The following SPRYD7 variants were observed in gnomAD, a reference collection of about 807,000 sequenced individuals.
SPRYD7 encodes SPRY domain containing 7, also known as SPRY domain-containing protein 7.
Under a neutral mutation model 23.8 loss-of-function variants are expected in SPRYD7, and 14 were observed. The observed-to-expected ratio is 0.59, with a 90% CI of 0.39 to 0.92. The LOEUF (loss-of-function observed/expected upper bound fraction) is 0.92, where lower values mean the gene tolerates loss of function less well. Ranked by LOEUF, SPRYD7 falls within the 40% of genes least tolerant of loss-of-function variation. SPRYD7 has a pLI of 0.00. For missense variants in SPRYD7, 194 were observed against 241.7 expected, an observed-to-expected ratio of 0.80 and a Z score of 1.31; for synonymous variants, 75 against 84.9, an observed-to-expected ratio of 0.88 and a Z score of 0.64.
intron 3 of SPRYD7, among the ~76,000 whole-genome samples, chr13:49,923,524 G>A (rs768523195): frequency 1.1e-4 from 16 of 152,282 alleles, no homozygotes; most frequent in East Asian, 3.9e-4. Context: ...GATTACAGGC[G>A]TTGGCCACCG....
intron 3 of SPRYD7, among the ~76,000 whole-genome samples, chr13:49,926,942 A>G (rs1440745979): frequency 6.6e-6 from 1 of 152,218 alleles, no homozygotes. Context: ...AAAGACAGAA[A>G]GAAATCTTTG....
intron 2 of SPRYD7, 24 bp from the exon 3 acceptor site, chr13:49,928,109 C>A (rs1381652010): frequency 6.2e-7 from 1 of 1,600,788 alleles, no homozygotes; most frequent in East Asian, 2.2e-5. Context: ...AGTTTAAATG[C>A]CCTCAAAATC....
chr13:49,916,710 A>G (rs888164271), intron 4 of SPRYD7, among the ~76,000 whole-genome samples: 1 of 152,230 alleles, frequency 6.6e-6, no homozygotes, highest in Admixed American at 6.5e-5. Flanking sequence ...TGAGGGATGC[A>G]TGCCCAAAGA....
intron 3 of SPRYD7, among the ~76,000 whole-genome samples, chr13:49,924,990 A>T (rs867588010): frequency 0.025 from 3,278 of 131,556 alleles, 119 homozygotes; most frequent in African/African-American, 0.085. Context: ...AAAAAAAAAT[A>T]AATAAATAAT....
intron 3 of SPRYD7, among the ~76,000 whole-genome samples, chr13:49,923,488 C>T (rs2138223659): frequency 6.6e-6 from 1 of 152,308 alleles, no homozygotes; most frequent in East Asian, 1.9e-4. Flanking sequence ...AAATGATCTG[C>T]CCGCCTCGGT....
intron 3 of SPRYD7, among the ~76,000 whole-genome samples, chr13:49,927,366 T>C (rs1955893833): frequency 6.6e-6 from 1 of 151,802 alleles, no homozygotes; most frequent in African/African-American, 2.4e-5. Flanking sequence ...CCTGGTGGTG[T>C]GCGCCTGTAA....
At chr13:49,931,885 T>A (rs188147531) in intron 1 of SPRYD7, among the ~76,000 whole-genome samples, 3 of 152,288 alleles carry the variant, frequency 2.0e-5, no homozygotes, top group Admixed American at 2.0e-4. Flanking sequence ...GAGGCAGAGG[T>A]TGCAGTGAAC....
At chr13:49,924,991 AAT>A (rs1220503300) in intron 3 of SPRYD7, among the ~76,000 whole-genome samples, 5 of 122,232 alleles carry the variant, frequency 4.1e-5, no homozygotes, top group Middle Eastern at 4.1e-3. Flanking sequence ...AAAAAAAATA[AAT>A]AAATAATAAT....
chr13:49,918,467 G>A (rs902882192), intron 4 of SPRYD7, among the ~76,000 whole-genome samples: 1 of 147,944 alleles, frequency 6.8e-6, no homozygotes, highest in Non-Finnish European at 1.5e-5. Context: ...GGAGCACAGT[G>A]GTGTGATCTC....
At chr13:49,920,672 T>C (rs1040271958) in intron 4 of SPRYD7, among the ~76,000 whole-genome samples, 1 of 152,046 alleles carries the variant, frequency 6.6e-6, no homozygotes, top group African/African-American at 2.4e-5. Context: ...TATAAAAAGG[T>C]CCTTATGGCT....
chr13:49,934,091 A>T (rs1047920797), intron 1 of SPRYD7, among the ~76,000 whole-genome samples: 1 of 151,868 alleles, frequency 6.6e-6, no homozygotes, highest in Non-Finnish European at 1.5e-5. Context: ...GTTATTTAAT[A>T]TAATAATCTT....
At chr13:49,916,375 G>A (rs1025338545) in intron 4 of SPRYD7, among the ~76,000 whole-genome samples, 1 of 152,066 alleles carries the variant, frequency 6.6e-6, no homozygotes, top group African/African-American at 2.4e-5. Flanking sequence ...AGAAAAAAAT[G>A]TAAATACTGG....
chr13:49,921,981 T>G (rs1463096057), intron 3 of SPRYD7, among the ~76,000 whole-genome samples: 2 of 152,190 alleles, frequency 1.3e-5, no homozygotes, highest in Non-Finnish European at 2.9e-5. Flanking sequence ...TGAGGTTTTT[T>G]TCACTGTCAG....
At chr13:49,925,144 T>G (rs1416533667) in intron 3 of SPRYD7, among the ~76,000 whole-genome samples, 11 of 146,816 alleles carry the variant, frequency 7.5e-5, no homozygotes, top group East Asian at 6.3e-4. Context: ...TGTAATCCCA[T>G]CACTTTGGGA....
At chr13:49,928,165 T>C in intron 2 of SPRYD7, 80 bp from the exon 3 acceptor site, 1 of 1,303,912 alleles carries the variant, frequency 7.7e-7, no homozygotes, top group East Asian at 2.3e-5. Flanking sequence ...GTATAAACTT[T>C]TTAAAGGAAG....
intron 4 of SPRYD7, among the ~76,000 whole-genome samples, chr13:49,918,665 A>C (rs1229732203): frequency 6.6e-6 from 1 of 151,674 alleles, no homozygotes; most frequent in Admixed American, 6.6e-5. Context: ...GGCATGAGCC[A>C]CCGTGCCTGG....
intron 3 of SPRYD7, among the ~76,000 whole-genome samples, chr13:49,924,994 AAATAATAATAATAAT>A (rs201309392): frequency 2.1e-4 from 29 of 135,794 alleles, no homozygotes; most frequent in Admixed American, 3.8e-4. Flanking sequence ...AAAAATAAAT[AAATAATAATAATAAT>A]AATAATAATA....
intron 1 of SPRYD7, among the ~76,000 whole-genome samples, chr13:49,931,415 C>T (rs549352486): frequency 3.9e-5 from 6 of 152,182 alleles, no homozygotes; most frequent in South Asian, 4.1e-4. Flanking sequence ...TTCCTGACCT[C>T]GTGATCCGCC....
In SPRYD7 at chr13:49,915,161, C is replaced by A; in HGVS notation, c.494-1G>T. ...CAATCCAAAATTGCACTGTCATCAA[C>A]TAAAGGATACAAAAAGAAAGAAAAT... On this transcript the variant is annotated splice_acceptor_variant, in intron 4 of 4. Transcript: ENST00000361840. LOFTEE classifies it high-confidence loss of function. 1.4e-6 allele frequency: 2 copies of A among 1,461,772 alleles called. No individual in the cohort carries two copies. Among genetic ancestry groups the A allele is most frequent in the South Asian group, 1.3e-5 (1 of 76,554 alleles). 90.6% of individuals were successfully genotyped at this position (1,461,772 alleles called of 1,614,324 possible).
Sources: allele counts gnomAD v4.1 joint callset (sites outside exome capture counted in the v4.1 genomes callset), GRCh38; gene constraint gnomAD v4.1.1; transcripts MANE v1.5; gene names NCBI Gene and HGNC (gene_info 2026-07-23, HGNC 2026-07-21).